The following ZNF335 variants were observed in gnomAD, a reference collection of about 807,000 sequenced individuals.
ZNF335 encodes NRC-interacting factor 1.
ZNF335 carries 84 observed loss-of-function variants against 145.6 expected under a neutral mutation model. The ratio of observed to expected loss-of-function variants is 0.58; its 90% confidence interval spans 0.48 to 0.69. ZNF335 has a LOEUF of 0.69. ZNF335 is among the 30% of genes least tolerant of loss of function. The pLI is 0.00. For synonymous variants in ZNF335, 761 were observed against 717.0 expected (o/e 1.06, Z -0.98); for missense variants, 1,865 against 1,809.7 (o/e 1.03, Z -0.55).
intron 9 of ZNF335, 121 bp from the exon 10 acceptor site, chr20:45,962,303 T>G (rs1341580532): frequency 3.9e-6 from 3 of 770,342 alleles, no homozygotes; most frequent in Non-Finnish European, 6.7e-6. Flanking sequence ...AACACAGGCA[T>G]GTGGACAACA....
chr20:45,962,221 C>T, intron 9 of ZNF335, 39 bp from the exon 10 acceptor site: 2 of 1,530,540 alleles, frequency 1.3e-6, no homozygotes, highest in Non-Finnish European at 1.8e-6. Flanking sequence ...TGGGGCTTGG[C>T]CTCCTCTCCC....
At chr20:45,956,571 ACTC>A (rs2083732429) in intron 17 of ZNF335, among the ~76,000 whole-genome samples, 1 of 151,888 alleles carries the variant, frequency 6.6e-6, no homozygotes, top group Non-Finnish European at 1.5e-5. Flanking sequence ...AAGCAGAAAA[ACTC>A]TACCACATGA....
rs141294363 is a variant in ZNF335 at position 45,949,845 on chromosome 20, C to T, written c.3624G>A (p.Thr1208=). The part of the protein sequence containing the change: ...EEAAYIQEIT[T]ADGQTVQHLV... ...GGTGCTGTACGGTCTGGCCATCTGC[C>T]GTGGTGATCTCTTGGATGTAGGCGG... is the stretch of plus-strand genomic sequence containing the variant. Residue 1208 remains threonine (T), a synonymous_variant, in exon 24 of 28, where the codon ACG becomes ACA. Coordinates refer to ENST00000322927, the MANE Select transcript of ZNF335 (RefSeq NM_022095.4). 88 of 1,613,956 alleles carry T rather than the reference C, an allele frequency of 5.5e-5. 1 individual carries two copies. Among genetic ancestry groups the T allele is most frequent in the Non-Finnish European group, 6.4e-5 (75 of 1,180,016 alleles).
chr20:45,962,239 TC>T, intron 9 of ZNF335, 57 bp from the exon 10 acceptor site: 1 of 1,372,616 alleles, frequency 7.3e-7, no homozygotes. Context: ...CCCATCCCCG[TC>T]CCCACCATGC....
chr20:45,949,848 G>A lies in ZNF335; in HGVS notation c.3621C>T (p.Thr1207=). The A allele has an allele frequency of 6.2e-7, 1 of 1,614,124 alleles. No individual in the cohort carries two copies. Among genetic ancestry groups the A allele is most frequent in the East Asian group, 2.2e-5 (1 of 44,874 alleles). ...GCTGTACGGTCTGGCCATCTGCCGT[G>A]GTGATCTCTTGGATGTAGGCGGCTT... The part of the protein sequence containing the change: ...QEEAAYIQEI[T]TADGQTVQHL... The change falls in exon 24 of 28, where the codon ACC becomes ACT. Residue 1207 remains threonine (T), a synonymous_variant. Transcript: ENST00000322927.
chr20:45,967,213 A>C, intron 6 of ZNF335: 1 of 464,110 alleles, frequency 2.2e-6, no homozygotes. Flanking sequence ...GCTACACTCC[A>C]GTCTGAGCAA....
intron 17 of ZNF335, among the ~76,000 whole-genome samples, chr20:45,956,407 T>C (rs1384382382): frequency 6.6e-6 from 1 of 152,110 alleles, no homozygotes; most frequent in Non-Finnish European, 1.5e-5. Flanking sequence ...TTTGTATTTT[T>C]AGTAGCAATG....
chr20:45,965,805 G>A (rs1478787329), intron 6 of ZNF335, 31 bp from the exon 7 acceptor site: 1 of 1,583,716 alleles, frequency 6.3e-7, no homozygotes, highest in East Asian at 2.4e-5. Context: ...GGTGAACAGT[G>A]AGTGGCGGGA....
chr20:45,967,541 T>A lies in ZNF335; in HGVS notation c.908A>T (p.Glu303Val), dbSNP rs1326143285. The A allele has an allele frequency of 1.2e-6, 2 of 1,613,940 alleles. No homozygotes were observed. Among genetic ancestry groups the A allele is most frequent in the Admixed American group, 3.3e-5 (2 of 60,004 alleles). ...KSQEEEGPEEEDDDDIVDAGA... is the reference protein window; with the variant it reads ...KSQEEEGPEEVDDDDIVDAGA... ...AGCGTCTACAATGTCATCATCGTCC[T>A]CCTCCTCTGGTCCCTCTTCCTCTTG... Residue 303 changes from glutamate to valine, a missense_variant, in exon 6 of 28, where the codon GAG becomes GTG. Coordinates refer to ENST00000322927, the MANE Select transcript of ZNF335 (RefSeq NM_022095.4).
intron 17 of ZNF335, among the ~76,000 whole-genome samples, chr20:45,954,735 AGAG>A (rs1403227610): frequency 1.3e-5 from 2 of 151,456 alleles, no homozygotes; most frequent in Non-Finnish European, 1.5e-5. Flanking sequence ...GAACATACAG[AGAG>A]GAGTTCAACC....
At chr20:45,964,253 T>A (rs780555329) in intron 7 of ZNF335, 1 of 397,842 alleles carries the variant, frequency 2.5e-6, no homozygotes, top group Non-Finnish European at 4.5e-6. Flanking sequence ...TCAGGAGACC[T>A]GGGTTCCAGG....
rs549963517 is a variant in ZNF335 at position 45,953,886 on chromosome 20, G to A, written c.2505C>T (p.Ser835=). 9 of 1,613,486 alleles carry A rather than the reference G, an allele frequency of 5.6e-6. No homozygotes were observed. In the African/African-American group the frequency reaches 8.0e-5, roughly 14 times the overall value. Residue 835 remains serine (S), a synonymous_variant, in exon 18 of 28, where the codon TCC becomes TCT. Coordinates refer to ENST00000322927, the MANE Select transcript of ZNF335 (RefSeq NM_022095.4). Reference sequence around the variant, plus strand: ...CCACCTGTGGAGTGGCACCTTCAGGGGAGGGCTGCCCACCAGGGGATGCTA... The same window carrying A: ...CCACCTGTGGAGTGGCACCTTCAGGAGAGGGCTGCCCACCAGGGGATGCTA... ...AGLASPGGQP[S]PEGATPQVVT... is the part of the protein sequence containing the mutation.
chr20:45,952,365 A>C lies in ZNF335; in HGVS notation c.2971T>G (p.Ser991Ala). 1 of 1,611,346 alleles carries C rather than the reference A, an allele frequency of 6.2e-7. No individual in the cohort carries two copies. Among genetic ancestry groups the C allele is most frequent in the Non-Finnish European group, 8.5e-7 (1 of 1,178,674 alleles). ...GCTTTGCTGGTTGCAGGAGGTGAGG[A>C]GGCAGAGCTCTGGGAGTCCCCTACG... is the stretch of plus-strand genomic sequence containing the variant. ...HCVGDSQSSA[S>A]SPPATSKALG... Residue 991 changes from serine (S) to alanine (A), a missense_variant, in exon 20 of 28, where the codon TCC becomes GCC. Ser to Ala is a moderately conservative substitution (Grantham distance 99). Coordinates refer to ENST00000322927, the MANE Select transcript of ZNF335 (RefSeq NM_022095.4).
Position 45,963,532 on chromosome 20 carries a change from G to A in ZNF335, c.1474C>T (p.Pro492Ser). The A allele has an allele frequency of 6.2e-7, 1 of 1,614,204 alleles. No individual in the cohort carries two copies. Among genetic ancestry groups the A allele is most frequent in the Non-Finnish European group, 8.5e-7 (1 of 1,180,040 alleles). The change falls in exon 9 of 28, where the codon CCC becomes TCC. Residue 492 changes from proline to serine, a missense_variant. Physicochemically the swap from Pro to Ser is moderately conservative, Grantham distance 74. Transcript: ENST00000322927. ...CACTGCAGGCACTTGAAGAGCTGGGGATCGCCAGCCTCATGGGAGTTGACG... is the reference window on the plus strand; with the variant it reads ...CACTGCAGGCACTTGAAGAGCTGGGAATCGCCAGCCTCATGGGAGTTGACG... ...FHVNSHEAGDPQLFKCLQCSY... is the reference protein window; with the variant it reads ...FHVNSHEAGDSQLFKCLQCSY...
chr20:45,969,727 C>G, intron 2 of ZNF335, 36 bp from the exon 3 acceptor site: 1 of 1,603,316 alleles, frequency 6.2e-7, no homozygotes, highest in South Asian at 1.1e-5. Context: ...AAAAGTTTAG[C>G]AGCTGGGTAT....
At chr20:45,949,915 C>A (rs183264748) in intron 23 of ZNF335, 38 bp from the exon 24 acceptor site, 1 of 1,613,964 alleles carries the variant, frequency 6.2e-7, no homozygotes, top group African/African-American at 1.3e-5. Flanking sequence ...CATTTCTCTA[C>A]CCCAACCCCT....
At chr20:45,965,368 A>C (rs1044901863) in intron 7 of ZNF335, among the ~76,000 whole-genome samples, 4 of 152,178 alleles carry the variant, frequency 2.6e-5, no homozygotes, top group Non-Finnish European at 4.4e-5. Flanking sequence ...GCATTCAGTG[A>C]TAAAGTCCCA....
In ZNF335 at chr20:45,969,406, G is replaced by A. The variant is rs530420486; in HGVS notation, c.442+45C>T. On this transcript the variant is annotated intron_variant, in intron 3 of 27. Transcript: ENST00000322927. ...GCTAGGGTGGGCACAGCTGGCTGCC[G>A]GACACTGCAGGAAAACCCCTGTGGG... 3.2e-5 allele frequency: 46 copies of A among 1,459,830 alleles called. No homozygotes were observed. The South Asian group carries it at 4.4e-4, about 14-fold the overall frequency. The allele number at this position is 1,459,830 out of a possible 1,614,324, so 90.4% of individuals were successfully genotyped here. A position where few individuals can be genotyped will look rare whatever the true frequency, so the allele number is the denominator to read the frequency against.
At chr20:45,968,157 T>C in intron 4 of ZNF335, 128 bp downstream of exon 4, 1 of 1,502,378 alleles carries the variant, frequency 6.7e-7, no homozygotes, top group South Asian at 1.2e-5. Context: ...AACCCGTCAG[T>C]AGGAAAACTG....
Sources: allele counts gnomAD v4.1 joint callset (sites outside exome capture counted in the v4.1 genomes callset), GRCh38; gene constraint gnomAD v4.1.1; transcripts MANE v1.5; gene names NCBI Gene and HGNC (gene_info 2026-07-23, HGNC 2026-07-21).